CHD4: variants seen among roughly 807,000 people sequenced by gnomAD.
The protein encoded by CHD4 is chromodomain helicase DNA binding protein 4, also known as ATP-dependent chromatin remodeler CHD4.
CHD4 carries 35 observed loss-of-function variants against 235.5 expected under a neutral mutation model. The observed-to-expected ratio is 0.15, with a 90% confidence interval of 0.11 to 0.20. The LOEUF is 0.20. CHD4 is among the 10% of genes least tolerant of loss of function. The pLI, the probability that CHD4 is intolerant of heterozygous loss-of-function variation, is 1.00. For missense variants in CHD4, 1,329 were observed against 2,432.3 expected (o/e 0.55, Z 9.54); for synonymous variants, 900 against 850.2 (o/e 1.06, Z -1.02).
intron 28 of CHD4, 33 bp downstream of exon 28, chr12:6,582,815 A>C: frequency 6.2e-7 from 1 of 1,613,764 alleles, no homozygotes. Context: ...AATATCTGAC[A>C]CTCACCCCTC....
rs1341123091 is a variant in CHD4, at chr12:6,590,441, G to C, written c.3340+1025C>G. On this transcript the variant is annotated intron_variant, in intron 22 of 39. Coordinates refer to ENST00000544040, the MANE Select transcript of CHD4 (RefSeq NM_001273.5). Reference sequence around the variant, plus strand: ...TATTATTAAGAGAAGCTAGCTAGTTGAACAGTATACATGAACTCTCTCTGC... The same window carrying C: ...TATTATTAAGAGAAGCTAGCTAGTTCAACAGTATACATGAACTCTCTCTGC... Among the ~76,000 whole-genome samples, 5 of 152,164 alleles carry C rather than the reference G, an allele frequency of 3.3e-5. No individual in the cohort carries two copies. In the South Asian group the frequency reaches 8.3e-4, roughly 25 times the overall value.
intron 14 of CHD4, 21 bp downstream of exon 14, chr12:6,595,313 G>C (rs1297324363): frequency 6.2e-7 from 1 of 1,601,908 alleles, no homozygotes. Flanking sequence ...ACAAACTACA[G>C]TCCCTTCCAC....
At position 6,593,382 on chromosome 12, in the gene CHD4, CTT is replaced by C. The variant is rs1948434023; in HGVS notation, c.2514+32_2514+33del. On this transcript the variant is annotated intron_variant, in intron 16 of 39. Transcript: ENST00000544040. This position sits in a 1 kb window ranked among gnomAD's most constrained non-coding sequence, Gnocchi z 4.9. The stretch of plus-strand genomic sequence containing the variant: ...GTAAACTAAGCCAGAAGCCACAACT[CTT>C]TCTCTAGGGTGGCTTCCCTCCCCTG... 1 of 1,609,034 alleles carries C rather than the reference CTT, an allele frequency of 6.2e-7. No individual in the cohort carries two copies.
chr12:6,594,321 T>G, intron 15 of CHD4, 138 bp downstream of exon 15: 1 of 680,756 alleles, frequency 1.5e-6, no homozygotes, highest in Non-Finnish European at 2.5e-6. Context: ...CATGTGTACA[T>G]GTGTTTATCT....
intron 37 of CHD4, among the ~76,000 whole-genome samples, chr12:6,573,686 A>T (rs1222912338): frequency 6.6e-6 from 1 of 152,174 alleles, no homozygotes; most frequent in East Asian, 1.9e-4. Context: ...TACACAGTTA[A>T]GCATCTTCCT....
In CHD4 at chr12:6,600,209, A is replaced by T. The variant is rs1948565416; in HGVS notation, c.1242+8T>A. ...GGTTCCAAGGGGCCACAATGGCCAG[A>T]CACTCACGCAGTGTGGGCAGCTCCA... is the stretch of plus-strand genomic sequence containing the variant. On this transcript the variant is annotated splice_region_variant and intron_variant, in intron 9 of 39. Coordinates refer to ENST00000544040, the MANE Select transcript of CHD4 (RefSeq NM_001273.5). The T allele has an allele frequency of 8.1e-6, 13 of 1,613,646 alleles. No homozygotes were observed. The highest frequency in any genetic ancestry group is 1.1e-5 in the Non-Finnish European group (13 of 1,179,774).
At position 6,587,955 on chromosome 12, in the gene CHD4, G is replaced by A. The variant is rs147135592; in HGVS notation, c.3466-6C>T. The stretch of plus-strand genomic sequence containing the variant: ...CGGTGAGCTCTGCTAAAGGCCTGGA[G>A]TTGAACAGGAAATAAAGCCAGAAAT... On this transcript the variant is annotated splice_region_variant and splice_polypyrimidine_tract_variant and intron_variant, in intron 23 of 39. Transcript: ENST00000544040. 1,066 of 1,611,262 alleles carry A rather than the reference G, an allele frequency of 6.6e-4. 9 individuals carry two copies. The African/African-American group carries it at 0.013, about 19-fold the overall frequency.
chr12:6,600,571 G>A lies in CHD4; in HGVS notation c.1026C>T (p.Ser342=), dbSNP rs750800178. ...SDGSTSRSSR[S]RKKLRTTKKK... ...TTTTAGTGGTTCGGAGTTTCTTGCG[G>A]CTGCGGCTACTACGGCTGGTGGAAC... The change falls in exon 8 of 40, where the codon AGC becomes AGT. Residue 342 remains serine, a synonymous_variant. Transcript: ENST00000544040. 1.2e-6 allele frequency: 2 copies of A among 1,613,982 alleles called. No homozygotes were observed. Among genetic ancestry groups the A allele is most frequent in the Admixed American group, 3.3e-5 (2 of 59,998 alleles).
intron 37 of CHD4, 164 bp from the exon 38 acceptor site, chr12:6,573,433 G>A (rs1006030980): frequency 2.2e-6 from 1 of 456,106 alleles, no homozygotes; most frequent in Non-Finnish European, 3.6e-6. Flanking sequence ...ACTTTGCCTT[G>A]TAACTTTTTT....
At chr12:6,595,609 G>A (rs1205280470) in intron 13 of CHD4, among the ~76,000 whole-genome samples, 179 bp from the exon 14 acceptor site, 2 of 152,132 alleles carry the variant, frequency 1.3e-5, no homozygotes, top group Non-Finnish European at 2.9e-5. Flanking sequence ...TCAACATGGT[G>A]AAACCCCGTC....
chr12:6,578,980 T>C, intron 33 of CHD4, 63 bp from the exon 34 acceptor site: 1 of 1,468,716 alleles, frequency 6.8e-7, no homozygotes, highest in Non-Finnish European at 9.5e-7. Context: ...TGTTGCACAC[T>C]ATTATCCAAT....
rs907832930 is a variant in CHD4, at chr12:6,606,482, C to T, written c.-78-31G>A. Reference sequence around the variant, plus strand: ...CGGGGGAGGGGGGAGAAACACAGAACAGTCAGTGACGCGCACTGTCCCCCT... The same window carrying T: ...CGGGGGAGGGGGGAGAAACACAGAATAGTCAGTGACGCGCACTGTCCCCCT... On this transcript the variant is annotated intron_variant, in intron 1 of 39. Coordinates refer to ENST00000544040, the MANE Select transcript of CHD4 (RefSeq NM_001273.5). 5.1e-6 allele frequency: 3 copies of T among 587,878 alleles called. No homozygotes were observed. In the East Asian group the frequency reaches 1.0e-4, roughly 20 times the overall value. 36.4% of individuals were successfully genotyped at this position (587,878 alleles called of 1,614,324 possible). A position where few individuals can be genotyped will look rare whatever the true frequency, so the allele number is the denominator to read the frequency against.
At chr12:6,578,691 T>C (rs765831177) in intron 34 of CHD4, 145 bp from the exon 35 acceptor site, 41 of 1,403,894 alleles carry the variant, frequency 2.9e-5, no homozygotes, top group Middle Eastern at 3.5e-4. Context: ...AATGGTGCCA[T>C]TGGCCCACTG....
chr12:6,592,716 A>G lies in CHD4; in HGVS notation c.2754T>C (p.Phe918=), dbSNP rs993885960. ...CTTACTGGAACCTCTCGGGGGTGAGAAAGTTGAGCAGATGAAACAACTCTT... is the reference window on the plus strand; with the variant it reads ...CTTACTGGAACCTCTCGGGGGTGAGGAAGTTGAGCAGATGAAACAACTCTT... ...NLEELFHLLN[F]LTPERFHNLE... is the part of the protein sequence containing the mutation. The change falls in exon 18 of 40, where the codon TTT becomes TTC. Residue 918 remains phenylalanine (F), a synonymous_variant. Transcript: ENST00000544040. The G allele has an allele frequency of 2.5e-6, 4 of 1,613,752 alleles. No individual in the cohort carries two copies. In the Admixed American group the frequency reaches 5.0e-5, roughly 20 times the overall value.
chr12:6,581,190 A>C lies in CHD4; in HGVS notation c.4780-17T>G, dbSNP rs1427321371. 1 of 1,610,402 alleles carries C rather than the reference A, an allele frequency of 6.2e-7. No individual in the cohort carries two copies. Among genetic ancestry groups the C allele is most frequent in the East Asian group, 2.2e-5 (1 of 44,864 alleles). On this transcript the variant is annotated splice_polypyrimidine_tract_variant and intron_variant, in intron 32 of 39. Transcript: ENST00000544040. ...CTGTGTACACTTCAAAGGAAAAAAA[A>C]ACAAAAACAAAACAGATGAAGCAGA...
At chr12:6,574,435 T>C (rs1020983710) in intron 37 of CHD4, among the ~76,000 whole-genome samples, 1 of 152,210 alleles carries the variant, frequency 6.6e-6, no homozygotes, top group Non-Finnish European at 1.5e-5. Context: ...TGGAGCTGTA[T>C]TAAAGATTCT....
chr12:6,576,806 A>C (rs988374316), intron 37 of CHD4, among the ~76,000 whole-genome samples: 2 of 152,308 alleles, frequency 1.3e-5, no homozygotes, highest in Non-Finnish European at 1.5e-5. Flanking sequence ...TGAAACTGAA[A>C]GCTCCTTGAA....
intron 37 of CHD4, among the ~76,000 whole-genome samples, chr12:6,574,432 G>A (rs1329315228): frequency 6.6e-6 from 1 of 152,144 alleles, no homozygotes; most frequent in South Asian, 2.1e-4. Flanking sequence ...TGATGGAGCT[G>A]TATTAAAGAT....
rs969071125 is a variant in CHD4 at position 6,602,384 on chromosome 12, T to C, written c.214A>G (p.Lys72Glu). Reference protein sequence around the residue: ...DPKIPKSKRQKKERMLLCRQL... With the variant: ...DPKIPKSKRQEKERMLLCRQL... ...TTCAGTCACCCACTCACCTCCTTTT[T>C]TTGGCGCTTGCTCTTAGGGATTTTA... Residue 72 changes from lysine to glutamate, a missense_variant, in exon 3 of 40, where the codon AAA becomes GAA. Physicochemically the swap from Lys to Glu is moderately conservative, Grantham distance 56. Coordinates refer to ENST00000544040, the MANE Select transcript of CHD4 (RefSeq NM_001273.5). 6.2e-7 allele frequency: 1 copy of C among 1,613,778 alleles called. No homozygotes were observed. Among genetic ancestry groups the C allele is most frequent in the Non-Finnish European group, 8.5e-7 (1 of 1,179,966 alleles).
Sources: allele counts gnomAD v4.1 joint callset (sites outside exome capture counted in the v4.1 genomes callset), GRCh38; gene constraint gnomAD v4.1.1; non-coding constraint Gnocchi (gnomAD v3.1); transcripts MANE v1.5; gene names NCBI Gene and HGNC (gene_info 2026-07-23, HGNC 2026-07-21).